Variants in DMBT1 observed in about 807,000 individuals in gnomAD.
DMBT1 encodes deleted in malignant brain tumors 1.
DMBT1 carries 198 observed loss-of-function variants against 252.9 expected under a neutral mutation model. The ratio of observed to expected loss-of-function variants is 0.78; its 90% CI spans 0.70 to 0.88. DMBT1 has a LOEUF of 0.88. Among genes scored for constraint, DMBT1 ranks in the 40% least tolerant of loss-of-function variants. DMBT1 has a pLI of 0.00. For synonymous variants in DMBT1, 990 were observed against 942.7 expected, an observed-to-expected ratio of 1.05 and a Z score of -0.92; for missense variants, 2,432 against 2,404.7, an observed-to-expected ratio of 1.01 and a Z score of -0.24.
intron 26 of DMBT1, 132 bp from the exon 27 acceptor site, chr10:122,599,932 A>G: frequency 7.5e-7 from 1 of 1,330,830 alleles, no homozygotes; most frequent in East Asian, 2.3e-5. Context: ...TGTGCATGGC[A>G]ATGCCCCTCC....
intron 41 of DMBT1, 77 bp downstream of exon 41, chr10:122,618,417 CT>C: frequency 6.2e-7 from 1 of 1,606,042 alleles, no homozygotes; most frequent in Admixed American, 1.7e-5. Flanking sequence ...ACATTCTGAT[CT>C]CCTCACTCAA....
intron 41 of DMBT1, 106 bp downstream of exon 41, chr10:122,618,446 C>G: frequency 6.4e-7 from 1 of 1,567,550 alleles, no homozygotes; most frequent in Non-Finnish European, 8.6e-7. Context: ...TCTATGTTTT[C>G]TATATTTCTG....
intron 52 of DMBT1, 76 bp from the exon 53 acceptor site, chr10:122,635,915 C>A (rs554733284): frequency 1.3e-4 from 199 of 1,510,642 alleles, no homozygotes; most frequent in Non-Finnish European, 1.7e-4. Flanking sequence ...AGAGGTGTGA[C>A]CCCACCCTGA....
chr10:122,589,053 G>T lies in DMBT1; in HGVS notation c.1893G>T (p.Trp631Cys), dbSNP rs773971401. 1 of 1,588,810 alleles carries T rather than the reference G, an allele frequency of 6.3e-7. No individual in the cohort carries two copies. ...GSWGTVCDDS[W>C]DTNDANVVCR... is the part of the protein sequence containing the mutation. ...GGGGCACCGTGTGTGATGACAGCTG[G>T]GACACCAATGATGCCAATGTGGTCT... The change falls in exon 17 of 56, where the codon TGG becomes TGT. Residue 631 changes from tryptophan (W) to cysteine (C), a missense_variant. Transcript: ENST00000338354.
At chr10:122,580,003 T>C in intron 10 of DMBT1, 102 bp downstream of exon 10, 1 of 1,566,840 alleles carries the variant, frequency 6.4e-7, no homozygotes, top group Admixed American at 1.9e-5. Flanking sequence ...TTCTATGTTT[T>C]CTATGTTTCT....
chr10:122,564,681 A>G (rs1445965601), intron 1 of DMBT1, among the ~76,000 whole-genome samples: 1 of 151,886 alleles, frequency 6.6e-6, no homozygotes, highest in Non-Finnish European at 1.5e-5. Context: ...GTTGCAAAAT[A>G]TCATGTGATG....
chr10:122,600,066 T>A lies in DMBT1; in HGVS notation c.3283T>A (p.Ser1095Thr). The change falls in exon 27 of 56, where the codon TCC becomes ACC. Residue 1095 changes from serine to threonine, a missense_variant and splice_region_variant. By Grantham distance (58) the Ser-to-Thr change is moderately conservative. Coordinates refer to ENST00000338354, the MANE Select transcript of DMBT1 (RefSeq NM_001377530.1). ...ACCTTCTCTTCTCTTTCTCACAGCT[T>A]CCCAGTCCCGGCCAACACCTAGTCC... Reference protein sequence around the residue: ...SEDAGVICSASQSRPTPSPDT... With the variant: ...SEDAGVICSATQSRPTPSPDT... The A allele has an allele frequency of 6.3e-7, 1 of 1,593,856 alleles. No individual in the cohort carries two copies. The highest frequency in any genetic ancestry group is 8.5e-7 in the Non-Finnish European group (1 of 1,174,240).
At chr10:122,577,762 T>G (rs1373143957) in intron 7 of DMBT1, 49 bp from the exon 8 acceptor site, 1 of 1,610,764 alleles carries the variant, frequency 6.2e-7, no homozygotes, top group African/African-American at 1.3e-5. Context: ...TAACTCTACT[T>G]GGAGTCACTG....
At chr10:122,591,267 A>G (rs1024726439) in intron 18 of DMBT1, among the ~76,000 whole-genome samples, 8 of 148,572 alleles carry the variant, frequency 5.4e-5, no homozygotes, top group Non-Finnish European at 9.0e-5. Context: ...TCCACACTTC[A>G]GAGGCAGGAG....
In DMBT1 at chr10:122,618,090, C is replaced by G. The variant is rs1205960630; in HGVS notation, c.4965C>G (p.Tyr1655Ter). ...DRCRGRVEVL[Y>*]QGSWGTVCDD... ...GTCGAGGCCGAGTGGAGGTCCTATA[C>G]CAAGGCTCCTGGGGCACCGTGTGTG... The change falls in exon 41 of 56, where the codon TAC (tyrosine) becomes TAG (stop). Residue 1655 changes from tyrosine to a stop codon, truncating the protein, a stop_gained. Transcript: ENST00000338354. LOFTEE classifies it high-confidence loss of function. The G allele has an allele frequency of 6.2e-7, 1 of 1,613,844 alleles. No individual in the cohort carries two copies. Among genetic ancestry groups the G allele is most frequent in the East Asian group, 2.2e-5 (1 of 44,852 alleles).
chr10:122,633,167 C>T, intron 51 of DMBT1, 24 bp from the exon 52 acceptor site: 2 of 1,612,874 alleles, frequency 1.2e-6, no homozygotes, highest in South Asian at 1.1e-5. Context: ...GGGTCACCGA[C>T]ATTCCCACTT....
At chr10:122,577,278 G>A (rs1339833414) in intron 7 of DMBT1, among the ~76,000 whole-genome samples, 1 of 152,148 alleles carries the variant, frequency 6.6e-6, no homozygotes, top group Non-Finnish European at 1.5e-5. Context: ...GTTGTCAGCC[G>A]CTGACCCAGA....
chr10:122,622,463 A>G (rs1261576907), intron 44 of DMBT1, among the ~76,000 whole-genome samples: 1 of 152,238 alleles, frequency 6.6e-6, no homozygotes, highest in East Asian at 1.9e-4. Flanking sequence ...TGGTTCCAGA[A>G]GTTCCAAGTC....
rs1239317379 is a variant in DMBT1 at position 122,589,164 on chromosome 10, T to C, written c.2004T>C (p.Asp668=). Residue 668 remains aspartate, a synonymous_variant, in exon 17 of 56, where the codon GAT becomes GAC. Transcript: ENST00000338354. ...GQGSGPIVLD[D]VRCSGHESYL... Reference sequence around the variant, plus strand: ...GCTCAGGACCCATTGTCCTGGATGATGTGCGCTGCTCAGGACATGAGTCCT... The same window carrying C: ...GCTCAGGACCCATTGTCCTGGATGACGTGCGCTGCTCAGGACATGAGTCCT... 22 of 1,588,362 alleles carry C rather than the reference T, an allele frequency of 1.4e-5. 2 individuals carry two copies. The highest frequency in any genetic ancestry group is 1.7e-5 in the Admixed American group (1 of 59,538).
chr10:122,586,489 A>G, intron 16 of DMBT1, 106 bp downstream of exon 16: 1 of 1,475,542 alleles, frequency 6.8e-7, no homozygotes, highest in Non-Finnish European at 9.1e-7. Context: ...CTTTTCCTAT[A>G]TTTCTGATAC....
chr10:122,593,051 G>A (rs2097862584), intron 20 of DMBT1, among the ~76,000 whole-genome samples: 2 of 148,660 alleles, frequency 1.3e-5, no homozygotes, highest in African/African-American at 4.9e-5. Flanking sequence ...AGAGGCTCAA[G>A]GGTTAGGGGT....
At position 122,631,189 on chromosome 10, in the gene DMBT1, C is replaced by A; in HGVS notation, c.6254C>A (p.Ser2085Ter). The A allele has an allele frequency of 6.2e-7, 1 of 1,614,016 alleles. No homozygotes were observed. The highest frequency in any genetic ancestry group is 8.5e-7 in the Non-Finnish European group (1 of 1,179,912). Residue 2085 changes from serine (S) to a stop codon, truncating the protein, a stop_gained, in exon 49 of 56, where the codon TCA becomes TAA. Transcript: ENST00000338354. LOFTEE classifies it high-confidence loss of function. ...ATCACCCTGGACGATGTAGAGTGCT[C>A]AGGGACGGAATCCACTCTCTGGCAG... Reference protein sequence around the residue: ...GPITLDDVECSGTESTLWQCR... With the variant: ...GPITLDDVEC
At chr10:122,577,277 C>T (rs553911671) in intron 7 of DMBT1, among the ~76,000 whole-genome samples, 42 of 152,242 alleles carry the variant, frequency 2.8e-4, no homozygotes, top group African/African-American at 9.4e-4. Flanking sequence ...TGTTGTCAGC[C>T]GCTGACCCAG....
At chr10:122,631,426 A>G (rs909268676) in intron 49 of DMBT1, 145 bp downstream of exon 49, 11 of 1,047,762 alleles carry the variant, frequency 1.0e-5, no homozygotes, top group Non-Finnish European at 1.5e-5. Flanking sequence ...AAGAGCATGC[A>G]GGGGGCTGCT....
Sources: allele counts gnomAD v4.1 joint callset (sites outside exome capture counted in the v4.1 genomes callset), GRCh38; gene constraint gnomAD v4.1.1; transcripts MANE v1.5; gene names NCBI Gene and HGNC (gene_info 2026-07-23, HGNC 2026-07-21).